The following MED13L variants were observed in gnomAD, a reference collection of about 807,000 sequenced individuals.
MED13L encodes the protein mediator complex subunit 13L.
A neutral mutation model predicts 220.9 loss-of-function variants in MED13L; 7 were observed. The observed-to-expected ratio is 0.03, with a 90% confidence interval of 0.02 to 0.06. The LOEUF (loss-of-function observed/expected upper bound fraction) is 0.06. MED13L is among the 10% of genes least tolerant of loss of function. The pLI, the probability that MED13L is intolerant of heterozygous loss-of-function variation, is 1.00. For synonymous variants in MED13L, 1,011 were observed against 1,015.2 expected (o/e 1.00, Z 0.08); for missense variants, 1,965 against 2,760.5 (o/e 0.71, Z 6.46).
intron 2 of MED13L, among the ~76,000 whole-genome samples, chr12:116,186,483 G>C (rs905097469): frequency 1.3e-5 from 2 of 151,884 alleles, no homozygotes; most frequent in African/African-American, 4.8e-5. Context: ...TTTTTTCCAG[G>C]AATAATTTAT....
intron 3 of MED13L, among the ~76,000 whole-genome samples, chr12:116,099,622 A>G (rs1565877076): frequency 6.6e-6 from 1 of 152,228 alleles, no homozygotes; most frequent in Non-Finnish European, 1.5e-5. Flanking sequence ...AGCAGATAAA[A>G]TATCTGTGAC....
chr12:116,024,931 C>T (rs1256082956), intron 4 of MED13L, among the ~76,000 whole-genome samples: 1 of 152,016 alleles, frequency 6.6e-6, no homozygotes, highest in Non-Finnish European at 1.5e-5. Context: ...AATCAAGTGT[C>T]TGTTGATAAG....
chr12:116,230,267 G>A (rs1380503651), intron 2 of MED13L, among the ~76,000 whole-genome samples: 2 of 152,148 alleles, frequency 1.3e-5, no homozygotes, highest in Non-Finnish European at 2.9e-5. Flanking sequence ...GGGCATGGTG[G>A]CGAGCATCTA....
At chr12:116,089,671 T>C (rs1872018774) in intron 4 of MED13L, among the ~76,000 whole-genome samples, 1 of 152,192 alleles carries the variant, frequency 6.6e-6, no homozygotes, top group African/African-American at 2.4e-5. Context: ...CCTACACAGA[T>C]GAACTGTTTT....
chr12:116,233,088 A>AG (rs1869728728), intron 2 of MED13L, among the ~76,000 whole-genome samples: 1 of 145,620 alleles, frequency 6.9e-6, no homozygotes, highest in African/African-American at 2.5e-5. Context: ...CTCTGTCTAA[A>AG]GGAAAAAAAA....
intron 2 of MED13L, chr12:116,169,033 G>A (rs934582745): frequency 3.9e-5 from 6 of 152,228 alleles, no homozygotes; most frequent in African/African-American, 1.4e-4. Context: ...CTGAGCCCAC[G>A]GAGTAGACAT....
At chr12:115,994,896 T>C (rs1878299763) in intron 16 of MED13L, among the ~76,000 whole-genome samples, 1 of 152,154 alleles carries the variant, frequency 6.6e-6, no homozygotes, top group Non-Finnish European at 1.5e-5. Context: ...TCTACAGTCA[T>C]TAGTCGTTGA....
intron 15 of MED13L, 65 bp downstream of exon 15, chr12:115,996,945 G>A: frequency 6.8e-7 from 1 of 1,480,742 alleles, no homozygotes; most frequent in Non-Finnish European, 9.4e-7. Flanking sequence ...CCATTTTAAA[G>A]CAGATGTATG....
chr12:116,034,420 T>C lies in MED13L; in HGVS notation c.480-11819A>G, dbSNP rs1219761572. Among the ~76,000 whole-genome samples the C allele has an allele frequency of 2.0e-5, 3 of 152,148 alleles. 1 individual carries two copies. Among genetic ancestry groups the C allele is most frequent in the African/African-American group, 7.2e-5 (3 of 41,436 alleles). On this transcript the variant is annotated intron_variant, in intron 4 of 30. Coordinates refer to ENST00000281928, the MANE Select transcript of MED13L (RefSeq NM_015335.5). ...GAAGAACACAAATGTAAAGCTCTGATAGTCCAGCGAGGCATACACCAGGAG... is the reference window on the plus strand; with the variant it reads ...GAAGAACACAAATGTAAAGCTCTGACAGTCCAGCGAGGCATACACCAGGAG...
rs747112698 is a variant in MED13L at position 115,980,826 on chromosome 12, G to A, written c.5288C>T (p.Pro1763Leu). The change falls in exon 23 of 31, where the codon CCT (proline) becomes CTT (leucine). Residue 1763 changes from proline (P) to leucine (L), a missense_variant. Coordinates refer to ENST00000281928, the MANE Select transcript of MED13L (RefSeq NM_015335.5). Reference protein sequence around the residue: ...SVYCQCRRPLPTQIHIKSLTG... With the variant: ...SVYCQCRRPLLTQIHIKSLTG... ...GAGGGATTTAATGTGGATCTGTGTA[G>A]GCAGTGGTCGCCTGCACTGGCAGTA... 1.1e-5 allele frequency: 17 copies of A among 1,613,178 alleles called. No homozygotes were observed. The South Asian group carries it at 1.8e-4, about 17-fold the overall frequency.
Position 116,005,910 on chromosome 12 carries a change from A to G in MED13L, c.2428T>C (p.Leu810=). The change falls in exon 13 of 31, where the codon TTA becomes CTA. Residue 810 remains leucine, a synonymous_variant. Coordinates refer to ENST00000281928, the MANE Select transcript of MED13L (RefSeq NM_015335.5). The part of the protein sequence containing the change: ...VTDLAPSLHD[L]DNIFDNSDDD... ...TCAGAATTATCAAAGATGTTGTCTA[A>G]GTCATGCAGGGAAGGTGCCAAATCT... 3.7e-6 allele frequency: 6 copies of G among 1,614,014 alleles called. No individual in the cohort carries two copies. The highest frequency in any genetic ancestry group is 5.1e-6 in the Non-Finnish European group (6 of 1,179,880).
chr12:116,120,128 C>A (rs1395723086), intron 2 of MED13L, among the ~76,000 whole-genome samples: 2 of 151,894 alleles, frequency 1.3e-5, no homozygotes, highest in Non-Finnish European at 2.9e-5. Flanking sequence ...TAGCACCAAT[C>A]TAAAATTTCC....
intron 1 of MED13L, among the ~76,000 whole-genome samples, chr12:116,260,966 C>A (rs143390269): frequency 6.6e-6 from 1 of 152,206 alleles, no homozygotes; most frequent in Admixed American, 6.5e-5. Flanking sequence ...GTTAGGTTAC[C>A]CTTCCCCTGC....
chr12:116,272,040 G>C (rs1283439455), intron 1 of MED13L, among the ~76,000 whole-genome samples: 1 of 152,076 alleles, frequency 6.6e-6, no homozygotes, highest in African/African-American at 2.4e-5. Flanking sequence ...TCAAAGTTGA[G>C]AGACAGCTGA....
chr12:116,152,079 T>C (rs1878079605), intron 2 of MED13L, among the ~76,000 whole-genome samples: 1 of 152,162 alleles, frequency 6.6e-6, no homozygotes, highest in Non-Finnish European at 1.5e-5. Context: ...ATTTGCAGGC[T>C]CTATCCTACA....
intron 4 of MED13L, among the ~76,000 whole-genome samples, chr12:116,056,309 A>C (rs1219151426): frequency 2.0e-5 from 3 of 150,530 alleles, no homozygotes; most frequent in African/African-American, 4.9e-5. Flanking sequence ...ACAAAGTCTT[A>C]CTCTTTCAGT....
intron 4 of MED13L, among the ~76,000 whole-genome samples, chr12:116,064,077 C>T (rs190900880): frequency 2.1e-4 from 32 of 152,066 alleles, no homozygotes; most frequent in Middle Eastern, 3.4e-3. Context: ...GTAGTCCCAG[C>T]TACTCAGGAG....
intron 2 of MED13L, among the ~76,000 whole-genome samples, chr12:116,190,617 A>C (rs991026521): frequency 6.6e-6 from 1 of 152,240 alleles, no homozygotes; most frequent in Admixed American, 6.5e-5. Flanking sequence ...CTTTTTGTTA[A>C]ATCAATTAAT....
intron 5 of MED13L, 44 bp downstream of exon 5, chr12:116,022,412 C>T (rs757423226): frequency 6.2e-7 from 1 of 1,611,336 alleles, no homozygotes; most frequent in South Asian, 1.1e-5. Flanking sequence ...TGGTTATCCA[C>T]TCGGTGGCGG....
Sources: allele counts gnomAD v4.1 joint callset (sites outside exome capture counted in the v4.1 genomes callset), GRCh38; gene constraint gnomAD v4.1.1; transcripts MANE v1.5; gene names NCBI Gene and HGNC (gene_info 2026-07-23, HGNC 2026-07-21).